Variants in PTPRM observed in about 807,000 individuals in gnomAD.
PTPRM encodes the protein protein tyrosine phosphatase receptor type M.
Under a neutral mutation model 186.7 loss-of-function variants are expected in PTPRM, and 47 were observed. The observed-to-expected ratio is 0.25, with a 90% CI of 0.20 to 0.32. The LOEUF (loss-of-function observed/expected upper bound fraction) is 0.32. PTPRM is among the 10% of genes least tolerant of loss of function. The pLI is 1.00. For missense variants in PTPRM, 1,494 were observed against 1,865.0 expected (o/e 0.80, Z 3.66); for synonymous variants, 668 against 674.9 (o/e 0.99, Z 0.16).
intron 7 of PTPRM, among the ~76,000 whole-genome samples, chr18:8,047,629 C>A (rs2087155836): frequency 6.6e-6 from 1 of 152,012 alleles, no homozygotes; most frequent in Non-Finnish European, 1.5e-5. Flanking sequence ...CTCTGAGTCA[C>A]CTGGAGAGCT....
chr18:8,279,522 C>T (rs59182671), intron 19 of PTPRM, among the ~76,000 whole-genome samples: 5,529 of 152,182 alleles, frequency 0.036, 96 homozygotes, highest in South Asian at 0.062. Context: ...TTTCACTTGA[C>T]GCTGTGTCTT....
At chr18:7,576,487 C>T (rs2036689730) in intron 1 of PTPRM, among the ~76,000 whole-genome samples, 2 of 151,788 alleles carry the variant, frequency 1.3e-5, no homozygotes, top group Non-Finnish European at 2.9e-5. Context: ...ATTTTTTTTT[C>T]TCAAGGCGTC....
chr18:7,778,781 A>G (rs1482775596), intron 2 of PTPRM, among the ~76,000 whole-genome samples: 1 of 152,138 alleles, frequency 6.6e-6, no homozygotes, highest in South Asian at 2.1e-4. Context: ...CACCCAGCCC[A>G]CAGTGGGGAA....
intron 2 of PTPRM, among the ~76,000 whole-genome samples, chr18:7,817,102 G>A (rs1446259800): frequency 6.6e-6 from 1 of 151,686 alleles, no homozygotes; most frequent in African/African-American, 2.4e-5. Flanking sequence ...AGCCTCCCGA[G>A]TAGCTGGGAT....
intron 11 of PTPRM, among the ~76,000 whole-genome samples, chr18:8,100,778 A>G (rs1483840725): frequency 1.3e-5 from 2 of 152,224 alleles, no homozygotes; most frequent in African/African-American, 4.8e-5. Flanking sequence ...AAAGAGAATA[A>G]AGCTATGATA....
intron 7 of PTPRM, among the ~76,000 whole-genome samples, chr18:8,008,991 C>G (rs1048403345): frequency 2.6e-5 from 4 of 152,150 alleles, no homozygotes; most frequent in African/African-American, 9.7e-5. Flanking sequence ...GTTTAATGCT[C>G]AAGCCCCTCA....
intron 20 of PTPRM, among the ~76,000 whole-genome samples, chr18:8,312,995 G>A (rs1186673023): frequency 6.6e-6 from 1 of 152,188 alleles, no homozygotes. Flanking sequence ...CTCGACAGGA[G>A]GTTAAACTCC....
chr18:8,398,384 A>T (rs769308239), intron 32 of PTPRM, among the ~76,000 whole-genome samples: 6 of 152,200 alleles, frequency 3.9e-5, no homozygotes, highest in Non-Finnish European at 7.3e-5. Context: ...TAGAAGATAC[A>T]GTCTCTCCCA....
At chr18:7,742,123 C>T (rs974508909) in intron 1 of PTPRM, 18 of 152,074 alleles carry the variant, frequency 1.2e-4, no homozygotes, top group Admixed American at 3.3e-4. Flanking sequence ...ATTGGAATTA[C>T]GTGGGAAAAG....
intron 31 of PTPRM, among the ~76,000 whole-genome samples, chr18:8,387,757 CGTGT>C (rs1270147814): frequency 5.0e-5 from 4 of 79,982 alleles, no homozygotes; most frequent in African/African-American, 1.9e-4. Context: ...TGCGTGTGTG[CGTGT>C]GTGTGCGCGC....
rs115240622 is a variant in PTPRM, at chr18:8,013,653, A to G, written c.1133-56033A>G. ...GTACAGTTCAAATCTGTGTTGTTCA[A>G]GGGTCAGCTGCACAGCCTCCTGGGG... On this transcript the variant is annotated intron_variant, in intron 7 of 32. Coordinates refer to ENST00000580170, the MANE Select transcript of PTPRM (RefSeq NM_001105244.2). Among the ~76,000 whole-genome samples the G allele has an allele frequency of 8.7e-3, 1,324 of 152,250 alleles. 17 individuals are homozygous for G. The highest frequency in any genetic ancestry group is 0.03 in the African/African-American group (1,240 of 41,534).
chr18:7,905,741 C>T (rs1419762345), intron 3 of PTPRM, among the ~76,000 whole-genome samples: 1 of 152,200 alleles, frequency 6.6e-6, no homozygotes, highest in Non-Finnish European at 1.5e-5. Context: ...CAGATTTCAC[C>T]TCCTCATGGG....
At chr18:7,811,250 A>T (rs1253101360) in intron 2 of PTPRM, among the ~76,000 whole-genome samples, 3 of 152,196 alleles carry the variant, frequency 2.0e-5, no homozygotes, top group African/African-American at 7.2e-5. Context: ...GAGCACAGTG[A>T]ATATTTCTGT....
At chr18:8,272,115 G>A (rs1456694411) in intron 19 of PTPRM, among the ~76,000 whole-genome samples, 1 of 151,072 alleles carries the variant, frequency 6.6e-6, no homozygotes, top group African/African-American at 2.4e-5. Flanking sequence ...CGGGAGAGGA[G>A]AATCGCTTGA....
intron 13 of PTPRM, among the ~76,000 whole-genome samples, chr18:8,136,700 G>C (rs746560608): frequency 6.6e-6 from 1 of 152,102 alleles, no homozygotes. Context: ...GATTGACTTC[G>C]CATTCCCAGG....
At chr18:8,124,652 T>G (rs1259838198) in intron 13 of PTPRM, among the ~76,000 whole-genome samples, 1 of 152,188 alleles carries the variant, frequency 6.6e-6, no homozygotes, top group Non-Finnish European at 1.5e-5. Flanking sequence ...GTTTTATAAC[T>G]GATGGGAACC....
chr18:7,671,257 CT>C (rs946940953), intron 1 of PTPRM, among the ~76,000 whole-genome samples: 2 of 152,202 alleles, frequency 1.3e-5, no homozygotes, highest in African/African-American at 4.8e-5. Context: ...ACTGAGTTGA[CT>C]TGTGTGGAAC....
intron 9 of PTPRM, among the ~76,000 whole-genome samples, chr18:8,083,471 G>C (rs1427299380): frequency 2.0e-5 from 3 of 152,082 alleles, no homozygotes; most frequent in African/African-American, 7.2e-5. Context: ...CAGCTTAACT[G>C]ACATCTCAGT....
chr18:8,280,804 C>T (rs1040912776), intron 19 of PTPRM, among the ~76,000 whole-genome samples: 4 of 152,098 alleles, frequency 2.6e-5, no homozygotes, highest in African/African-American at 9.7e-5. Context: ...TTAAAAGAAT[C>T]CCGCAACCAG....
Sources: allele counts gnomAD v4.1 joint callset (sites outside exome capture counted in the v4.1 genomes callset), GRCh38; gene constraint gnomAD v4.1.1; transcripts MANE v1.5; gene names NCBI Gene and HGNC (gene_info 2026-07-23, HGNC 2026-07-21).